The following TENM2 variants were observed in gnomAD, a reference collection of about 807,000 sequenced individuals.
TENM2 encodes the protein teneurin-2.
TENM2 carries 52 observed loss-of-function variants against 245.2 expected under a neutral mutation model. The ratio of observed to expected loss-of-function variants is 0.21; its 90% CI spans 0.17 to 0.27. TENM2 has a LOEUF of 0.27. Ranked by LOEUF, TENM2 falls within the 10% of genes least tolerant of loss-of-function variation. The pLI, the probability that TENM2 is intolerant of heterozygous loss-of-function variation, is 1.00. For synonymous variants in TENM2, 1,363 were observed against 1,438.9 expected, an observed-to-expected ratio of 0.95 and a Z score of 1.19; for missense variants, 3,046 against 3,666.8, an observed-to-expected ratio of 0.83 and a Z score of 4.37.
intron 2 of TENM2, among the ~76,000 whole-genome samples, chr5:167,547,168 C>T (rs897599278): frequency 1.3e-5 from 2 of 152,150 alleles, no homozygotes; most frequent in Non-Finnish European, 2.9e-5. Flanking sequence ...TCACTGCAAC[C>T]TCCACCTACC....
intron 2 of TENM2, among the ~76,000 whole-genome samples, chr5:167,378,378 CTT>C (rs34403067): frequency 3.6e-5 from 4 of 110,070 alleles, no homozygotes; most frequent in Admixed American, 8.7e-5. Flanking sequence ...CTTTCTTCTT[CTT>C]TTTTTTTTTT....
intron 2 of TENM2, among the ~76,000 whole-genome samples, chr5:167,777,931 C>T (rs1763925481): frequency 6.6e-6 from 1 of 152,132 alleles, no homozygotes. Context: ...GCCATCTAAC[C>T]ACCAGTTGCC....
chr5:167,361,909 A>G (rs1285190939), intron 1 of TENM2, among the ~76,000 whole-genome samples: 3 of 152,200 alleles, frequency 2.0e-5, no homozygotes, highest in East Asian at 3.9e-4. Context: ...CTGATTACTT[A>G]TAGCACCACT....
At chr5:167,575,082 T>A (rs1582428695) in intron 2 of TENM2, among the ~76,000 whole-genome samples, 1 of 148,670 alleles carries the variant, frequency 6.7e-6, no homozygotes, top group East Asian at 2.0e-4. Context: ...GCTGCTAAAA[T>A]GTATTGCTGA....
intron 1 of TENM2, among the ~76,000 whole-genome samples, chr5:167,328,962 A>G (rs1326374264): frequency 1.3e-5 from 2 of 152,170 alleles, no homozygotes; most frequent in Non-Finnish European, 2.9e-5. Context: ...CATATCCGTG[A>G]TGTCTAAAAT....
chr5:167,726,066 T>C (rs558162400), intron 2 of TENM2, among the ~76,000 whole-genome samples: 4 of 152,306 alleles, frequency 2.6e-5, no homozygotes, highest in African/African-American at 7.2e-5. Flanking sequence ...CACTAGATTG[T>C]CAGATGGTAG....
At chr5:167,669,018 C>T (rs537710134) in intron 2 of TENM2, among the ~76,000 whole-genome samples, 2 of 152,204 alleles carry the variant, frequency 1.3e-5, no homozygotes, top group South Asian at 2.1e-4. Flanking sequence ...GCAGAAGGTG[C>T]GCCATTTTAA....
At chr5:167,744,820 C>CAAACA (rs144300762) in intron 2 of TENM2, among the ~76,000 whole-genome samples, 6,177 of 145,800 alleles carry the variant, frequency 0.042, 248 homozygotes, top group East Asian at 0.2. Flanking sequence ...AACAAACAAA[C>CAAACA]AAACAAAACA....
At chr5:167,613,292 A>T (rs1466850282) in intron 2 of TENM2, among the ~76,000 whole-genome samples, 1 of 152,136 alleles carries the variant, frequency 6.6e-6, no homozygotes, top group Non-Finnish European at 1.5e-5. Context: ...TACTATGAGG[A>T]TAATCTGCAT....
At chr5:167,016,556 T>A in the TENM2 span, among the ~76,000 whole-genome samples, 1 of 152,194 alleles carries the variant, frequency 6.6e-6, no homozygotes, top group African/African-American at 2.4e-5. Flanking sequence ...AAAGTTCTTA[T>A]CTGACTGAAT....
At position 167,827,629 on chromosome 5, in the gene TENM2, G is replaced by GGT. The variant is rs1554126461; in HGVS notation, c.503-48356_503-48355insTG. ...TATTATGGCAAGGAGCTAGGTGGGC[G>GGT]GGGGGGGGGGAACAGTTTAATGAGC... On this transcript the variant is annotated intron_variant, in intron 2 of 28. Coordinates refer to ENST00000518659, the Ensembl canonical transcript of TENM2. Among the ~76,000 whole-genome samples, 8 of 3,130 alleles carry GGT rather than the reference G, an allele frequency of 2.6e-3. 1 individual carries two copies. In the Admixed American group the frequency reaches 0.026, roughly 10 times the overall value. 2.1% of individuals were successfully genotyped at this position (3,130 alleles called of 152,430 possible). A position where few individuals can be genotyped will look rare whatever the true frequency, so the allele number is the denominator to read the frequency against.
chr5:168,153,093 G>A (rs1756800348), intron 12 of TENM2, among the ~76,000 whole-genome samples: 1 of 152,102 alleles, frequency 6.6e-6, no homozygotes, highest in Non-Finnish European at 1.5e-5. Flanking sequence ...GTGGGAATTA[G>A]GAAAACAGCC....
the TENM2 span, among the ~76,000 whole-genome samples, chr5:167,079,706 A>G: frequency 6.6e-6 from 1 of 152,218 alleles, no homozygotes; most frequent in Non-Finnish European, 1.5e-5. Flanking sequence ...TAATTTTTGA[A>G]GTGCGTTTAT....
At chr5:167,522,737 GC>G (rs1422839957) in intron 2 of TENM2, among the ~76,000 whole-genome samples, 1 of 151,918 alleles carries the variant, frequency 6.6e-6, no homozygotes, top group Admixed American at 6.6e-5. Context: ...TTAGAGAGTA[GC>G]TGGCCCTGGG....
intron 5 of TENM2, among the ~76,000 whole-genome samples, chr5:168,002,103 TTTTG>T (rs928401905): frequency 6.6e-6 from 1 of 152,196 alleles, no homozygotes; most frequent in Non-Finnish European, 1.5e-5. Flanking sequence ...CAAAGGCTTT[TTTTG>T]TTTGTTTGTT....
intron 4 of TENM2, among the ~76,000 whole-genome samples, chr5:167,980,441 G>A (rs745900497): frequency 6.6e-6 from 1 of 152,124 alleles, no homozygotes; most frequent in Non-Finnish European, 1.5e-5. Flanking sequence ...GAGGAGGAGA[G>A]AAGTTTCCAG....
At chr5:167,811,706 G>C (rs997256649) in intron 2 of TENM2, among the ~76,000 whole-genome samples, 2 of 152,064 alleles carry the variant, frequency 1.3e-5, no homozygotes, top group African/African-American at 4.8e-5. Flanking sequence ...CAGTTTTTTT[G>C]TGTGAAAAAT....
At chr5:167,204,736 T>C in the TENM2 span, among the ~76,000 whole-genome samples, 1 of 152,130 alleles carries the variant, frequency 6.6e-6, no homozygotes, top group African/African-American at 2.4e-5. Flanking sequence ...GAGTCCTATT[T>C]GACAAAAGCT....
At chr5:167,036,818 C>T in the TENM2 span, among the ~76,000 whole-genome samples, 3 of 152,156 alleles carry the variant, frequency 2.0e-5, no homozygotes, top group African/African-American at 4.8e-5. Context: ...GTTAAACATT[C>T]ACCTTCTCAA....
Sources: gnomAD v4.1 joint callset for allele counts (sites outside exome capture counted in the v4.1 genomes callset) on GRCh38, gnomAD v4.1.1 for gene constraint, MANE v1.5 for transcripts, NCBI Gene and HGNC (gene_info 2026-07-23, HGNC 2026-07-21) for gene names.